Variants in GPC3 observed in about 807,000 individuals in gnomAD.
GPC3 encodes glypican 3, also known as glypican-3.
Under a neutral mutation model 34.4 loss-of-function variants are expected in GPC3, and 3 were observed. The observed-to-expected ratio is 0.09, with a 90% CI of 0.04 to 0.23. GPC3 has a LOEUF of 0.23. Among genes scored for constraint, GPC3 ranks in the 10% least tolerant of loss-of-function variants. GPC3 has a pLI of 1.00. For missense variants in GPC3, 351 were observed against 445.6 expected, an observed-to-expected ratio of 0.79 and a Z score of 1.91; for synonymous variants, 177 against 174.0, an observed-to-expected ratio of 1.02 and a Z score of -0.13.
intron 6 of GPC3, among the ~76,000 whole-genome samples, chrX:133,657,089 G>A (rs1020781038): frequency 4.5e-5 from 5 of 111,968 alleles, no homozygotes; most frequent in Non-Finnish European, 9.4e-5. Flanking sequence ...GACACCAAGT[G>A]GGCAGGTATT....
chrX:133,718,901 G>A (rs1222185806), intron 3 of GPC3, among the ~76,000 whole-genome samples: 4 of 111,754 alleles, frequency 3.6e-5, no homozygotes, highest in Non-Finnish European at 7.5e-5. Context: ...CAGGAAGATA[G>A]AATAATTATC....
rs138346817 is a variant in GPC3, at chrX:133,606,536, C to T, written c.1414-9937G>A. Among the ~76,000 whole-genome samples the T allele has an allele frequency of 2.2e-3, 245 of 112,151 alleles. 2 individuals carry two copies. In the East Asian group the frequency reaches 0.051, roughly 24 times the overall value. Reference sequence around the variant, plus strand: ...TCTTGGGCTAAAGCAATCCTCCTGCCTCAGCCTTCTGAGTAGCTAGGACTA... The same window carrying T: ...TCTTGGGCTAAAGCAATCCTCCTGCTTCAGCCTTCTGAGTAGCTAGGACTA... On this transcript the variant is annotated intron_variant, in intron 6 of 7. Transcript: ENST00000370818.
At chrX:133,941,669 G>A (rs1001254120) in intron 2 of GPC3, among the ~76,000 whole-genome samples, 3 of 111,531 alleles carry the variant, frequency 2.7e-5, no homozygotes, top group Non-Finnish European at 3.8e-5. Flanking sequence ...TTCATGCTAA[G>A]GCCAATATCA....
intron 3 of GPC3, among the ~76,000 whole-genome samples, chrX:133,700,933 T>C (rs1460499645): frequency 5.4e-5 from 6 of 111,262 alleles, no homozygotes; most frequent in Non-Finnish European, 9.4e-5. Context: ...TCATATATCA[T>C]TAAATAAGCC....
At chrX:133,850,445 G>A (rs2075868607) in intron 2 of GPC3, among the ~76,000 whole-genome samples, 1 of 110,184 alleles carries the variant, frequency 9.1e-6, no homozygotes, top group Non-Finnish European at 1.9e-5. Flanking sequence ...TTCTGAGGGA[G>A]GTGAAGATCA....
At chrX:133,962,697 A>T (rs773376635) in intron 1 of GPC3, among the ~76,000 whole-genome samples, 1 of 111,679 alleles carries the variant, frequency 9.0e-6, no homozygotes, top group Non-Finnish European at 1.9e-5. Flanking sequence ...ACTAATTGTT[A>T]TTCTACTCAG....
At chrX:133,975,949 C>T (rs1355539318) in intron 1 of GPC3, among the ~76,000 whole-genome samples, 1 of 111,517 alleles carries the variant, frequency 9.0e-6, no homozygotes, top group African/African-American at 3.3e-5. Flanking sequence ...ACTCAACATG[C>T]AAAGCTGCCA....
At chrX:133,712,912 C>T (rs2071284657) in intron 3 of GPC3, among the ~76,000 whole-genome samples, 1 of 111,094 alleles carries the variant, frequency 9.0e-6, no homozygotes, top group Admixed American at 9.6e-5. Flanking sequence ...AAAAATAAAC[C>T]CCTGTAGATT....
rs148873973 is a variant in GPC3 at position 133,899,190 on chromosome X, G to A, written c.337+53860C>T. 4.4e-3 allele frequency among the ~76,000 whole-genome samples: 495 copies of A among 112,044 alleles called. 2 individuals are homozygous for A. Among genetic ancestry groups the A allele is most frequent in the African/African-American group, 0.015 (471 of 30,887 alleles). ...TGTTTGTCTCTGTAAATGAAGTACC[G>A]TATATGAAACATAAACCATTTAATG... On this transcript the variant is annotated intron_variant, in intron 2 of 7. Coordinates refer to ENST00000370818, the MANE Select transcript of GPC3 (RefSeq NM_004484.4).
chrX:133,724,757 G>A (rs927913784), intron 3 of GPC3, among the ~76,000 whole-genome samples: 29 of 111,643 alleles, frequency 2.6e-4, no homozygotes, highest in Middle Eastern at 4.6e-3. Context: ...GAAAGGAATG[G>A]GAAGTAATTT....
At chrX:133,830,678 C>CAAAAA (rs1174232524) in intron 2 of GPC3, among the ~76,000 whole-genome samples, 2 of 13,435 alleles carry the variant, frequency 1.5e-4, no homozygotes, top group Non-Finnish European at 2.4e-4. Flanking sequence ...GACTCCATCT[C>CAAAAA]AAAAAAAAAA....
At chrX:133,844,102 C>T (rs1487324176) in intron 2 of GPC3, among the ~76,000 whole-genome samples, 2 of 111,497 alleles carry the variant, frequency 1.8e-5, no homozygotes, top group African/African-American at 6.5e-5. Flanking sequence ...AGAGCCTTCA[C>T]AAAATGACTC....
intron 2 of GPC3, among the ~76,000 whole-genome samples, chrX:133,797,788 C>T (rs1195157822): frequency 9.1e-6 from 1 of 110,413 alleles, no homozygotes; most frequent in Non-Finnish European, 1.9e-5. Context: ...CAAGATCATG[C>T]CACTGTACTC....
rs12846832 is a variant in GPC3, at chrX:133,804,011, C to G, written c.338-49835G>C. ...ACACACACACACACACACACACACA[C>G]AGACACACAAATAATTACCCCCCCC... On this transcript the variant is annotated intron_variant, in intron 2 of 7. Coordinates refer to ENST00000370818, the MANE Select transcript of GPC3 (RefSeq NM_004484.4). Among the ~76,000 whole-genome samples, 4 of 95,832 alleles carry G rather than the reference C, an allele frequency of 4.2e-5. No homozygotes were observed. In the Admixed American group the frequency reaches 4.6e-4, roughly 11 times the overall value. 83.2% of individuals were successfully genotyped at this position (95,832 alleles called of 115,157 possible). A position where few individuals can be genotyped will look rare whatever the true frequency, so the allele number is the denominator to read the frequency against.
rs144000312 is a variant in GPC3 at position 133,607,313 on chromosome X, C to A, written c.1414-10714G>T. Among the ~76,000 whole-genome samples the A allele has an allele frequency of 3.8e-4, 43 of 111,689 alleles. No homozygotes were observed. The East Asian group carries it at 0.012, about 30-fold the overall frequency. Reference sequence around the variant, plus strand: ...GTATTAATCTGGAAAGGGCATAGCTCTGGGACTAGCACAATGCCTGACACA... The same window carrying A: ...GTATTAATCTGGAAAGGGCATAGCTATGGGACTAGCACAATGCCTGACACA... On this transcript the variant is annotated intron_variant, in intron 6 of 7. Coordinates refer to ENST00000370818, the MANE Select transcript of GPC3 (RefSeq NM_004484.4).
At position 133,553,932 on chromosome X, in the gene GPC3, C is replaced by T. The variant is rs1485215303; in HGVS notation, c.1574-17639G>A. 2.7e-5 allele frequency among the ~76,000 whole-genome samples: 3 copies of T among 111,414 alleles called. No individual in the cohort carries two copies. The Admixed American group carries it at 2.9e-4, about 11-fold the overall frequency. Reference sequence around the variant, plus strand: ...CCCTCATGCTAGTTTACAGTTAATTCCTCAATGGATTCTTTTCAGGGTTTC... The same window carrying T: ...CCCTCATGCTAGTTTACAGTTAATTTCTCAATGGATTCTTTTCAGGGTTTC... On this transcript the variant is annotated intron_variant, in intron 7 of 7. Transcript: ENST00000370818.
In GPC3 at chrX:133,917,083, T is replaced by A. The variant is rs559325884; in HGVS notation, c.337+35967A>T. Among the ~76,000 whole-genome samples, 4 of 111,640 alleles carry A rather than the reference T, an allele frequency of 3.6e-5. No homozygotes were observed. The East Asian group carries it at 1.1e-3, about 31-fold the overall frequency. ...ACCTACGCTAAAGAGTTGTTGTGAG[T>A]TTAAATGAGACAGTGCAGGTGCAAA... On this transcript the variant is annotated intron_variant, in intron 2 of 7. Coordinates refer to ENST00000370818, the MANE Select transcript of GPC3 (RefSeq NM_004484.4).
chrX:133,854,407 G>A (rs947487826), intron 2 of GPC3, among the ~76,000 whole-genome samples: 2 of 111,787 alleles, frequency 1.8e-5, no homozygotes, highest in Admixed American at 9.5e-5. Context: ...ATTTATTAAA[G>A]CTTACACTGT....
At chrX:133,906,973 C>T (rs957574903) in intron 2 of GPC3, among the ~76,000 whole-genome samples, 3 of 109,749 alleles carry the variant, frequency 2.7e-5, no homozygotes, top group African/African-American at 6.6e-5. Flanking sequence ...TGGTGGCGGG[C>T]GCCTGTAGTC....
Sources: allele counts gnomAD v4.1 joint callset (sites outside exome capture counted in the v4.1 genomes callset), GRCh38; gene constraint gnomAD v4.1.1; transcripts MANE v1.5; gene names NCBI Gene and HGNC (gene_info 2026-07-23, HGNC 2026-07-21).